CDYL2: variants seen among roughly 807,000 people sequenced by gnomAD.
The protein encoded by CDYL2 is chromodomain Y-like protein 2.
In CDYL2, 23 loss-of-function variants were observed where a neutral mutation model predicts 49.4. The observed-to-expected ratio is 0.47, with a 90% CI of 0.34 to 0.66. The LOEUF is 0.66. Ranked by LOEUF, CDYL2 falls within the 30% of genes least tolerant of loss-of-function variation. The pLI, the probability that CDYL2 is intolerant of heterozygous loss-of-function variation, is 0.01. For synonymous variants in CDYL2, 360 were observed against 268.8 expected (o/e 1.34, Z -3.32); for missense variants, 678 against 656.4 (o/e 1.03, Z -0.36).
intron 2 of CDYL2, among the ~76,000 whole-genome samples, chr16:80,653,944 G>A (rs929557072): frequency 6.6e-6 from 1 of 152,158 alleles, no homozygotes; most frequent in African/African-American, 2.4e-5. Flanking sequence ...AACCCCAGGA[G>A]TCACTGTGGT....
chr16:80,706,059 T>A (rs559540452), intron 1 of CDYL2, among the ~76,000 whole-genome samples: 1 of 152,216 alleles, frequency 6.6e-6, no homozygotes, highest in African/African-American at 2.4e-5. Flanking sequence ...GAACTTAGCA[T>A]CCAGTGTAGA....
rs147437624 is a variant in CDYL2 at position 80,787,383 on chromosome 16, A to G, written c.24+16767T>C. On this transcript the variant is annotated intron_variant, in intron 1 of 6. Transcript: ENST00000570137. ...GCCAGTACTTCCATGCCAAAATGGAAGAGACTGCCCTTCAAAGCAAAGCAC... is the reference window on the plus strand; with the variant it reads ...GCCAGTACTTCCATGCCAAAATGGAGGAGACTGCCCTTCAAAGCAAAGCAC... 1.7e-3 allele frequency among the ~76,000 whole-genome samples: 262 copies of G among 152,332 alleles called. 1 individual carries two copies. Among genetic ancestry groups the G allele is most frequent in the African/African-American group, 6.1e-3 (253 of 41,580 alleles).
intron 1 of CDYL2, among the ~76,000 whole-genome samples, chr16:80,718,797 C>T (rs774615205): frequency 5.3e-5 from 8 of 152,162 alleles, no homozygotes; most frequent in Admixed American, 4.6e-4. Flanking sequence ...GCAGCCACAC[C>T]GCTGTTGGAG....
rs1010580011 is a variant in CDYL2, at chr16:80,615,481, C to T, written c.1008-2645G>A. On this transcript the variant is annotated intron_variant, in intron 4 of 6. Transcript: ENST00000570137. ...CAGAATTCCCTCCATAACATTCCAA[C>T]GATGCATCATTCCGCCTCTGCTGGA... is the stretch of plus-strand genomic sequence containing the variant. Among the ~76,000 whole-genome samples the T allele has an allele frequency of 3.3e-5, 5 of 152,076 alleles. 1 individual carries two copies. The highest frequency in any genetic ancestry group is 6.3e-3 in the Middle Eastern group (2 of 316).
intron 5 of CDYL2, 73 bp from the exon 6 acceptor site, chr16:80,608,308 G>C: frequency 7.0e-7 from 1 of 1,434,038 alleles, no homozygotes; most frequent in Non-Finnish European, 9.2e-7. Flanking sequence ...TCCAGGGCTT[G>C]CCACCTGCAA....
At chr16:80,628,938 C>G (rs928778358) in intron 3 of CDYL2, among the ~76,000 whole-genome samples, 1 of 151,968 alleles carries the variant, frequency 6.6e-6, no homozygotes, top group Non-Finnish European at 1.5e-5. Flanking sequence ...TGAACTGAGA[C>G]CTGAAGGAAG....
intron 4 of CDYL2, among the ~76,000 whole-genome samples, chr16:80,619,049 T>G (rs1367296996): frequency 6.6e-6 from 1 of 152,196 alleles, no homozygotes; most frequent in Non-Finnish European, 1.5e-5. Flanking sequence ...GGAGAAGCTG[T>G]GTCAGGCCTC....
intron 3 of CDYL2, among the ~76,000 whole-genome samples, chr16:80,626,322 A>C (rs1476700372): frequency 6.7e-6 from 1 of 150,230 alleles, no homozygotes; most frequent in Non-Finnish European, 1.5e-5. Context: ...ATGTGTTGTT[A>C]ATAAAAAAAA....
chr16:80,608,002 C>A (rs1317176889), intron 6 of CDYL2, 90 bp downstream of exon 6: 6 of 1,409,100 alleles, frequency 4.3e-6, no homozygotes, highest in Middle Eastern at 3.8e-4. Flanking sequence ...CGACCTCTAG[C>A]AAGTCAGTGA....
chr16:80,720,065 G>A (rs970960286), intron 1 of CDYL2, among the ~76,000 whole-genome samples: 8 of 152,184 alleles, frequency 5.3e-5, no homozygotes, highest in East Asian at 3.9e-4. Context: ...TTTAGTGGTC[G>A]AGCAAATAAT....
chr16:80,699,619 G>A (rs1343506120), intron 1 of CDYL2, among the ~76,000 whole-genome samples: 7 of 152,184 alleles, frequency 4.6e-5, no homozygotes, highest in Admixed American at 4.6e-4. Context: ...GGTGAATATA[G>A]TTAACAAAAT....
Position 80,651,182 on chromosome 16 carries a change from T to A in CDYL2, c.617-17946A>T, listed in dbSNP as rs979002327. 3.3e-5 allele frequency among the ~76,000 whole-genome samples: 5 copies of A among 152,340 alleles called. No individual in the cohort carries two copies. The East Asian group carries it at 5.8e-4, about 18-fold the overall frequency. On this transcript the variant is annotated intron_variant, in intron 2 of 6. Transcript: ENST00000570137. ...CCCATTTTCTATGATGTGATTATTA[T>A]GCATTGCATCCCTGTATCAAAACAT...
At chr16:80,668,223 G>A (rs930665059) in intron 2 of CDYL2, among the ~76,000 whole-genome samples, 52 of 152,306 alleles carry the variant, frequency 3.4e-4, no homozygotes, top group Middle Eastern at 3.4e-3. Context: ...TTCCAAGACA[G>A]GCTTTAAGTC....
At chr16:80,670,610 C>G (rs1158260775) in intron 2 of CDYL2, among the ~76,000 whole-genome samples, 1 of 152,222 alleles carries the variant, frequency 6.6e-6, no homozygotes, top group Admixed American at 6.5e-5. Context: ...GTCCACCCAT[C>G]TGGCTTCTCA....
At chr16:80,629,721 C>T (rs143188053) in intron 3 of CDYL2, among the ~76,000 whole-genome samples, 40 of 152,326 alleles carry the variant, frequency 2.6e-4, no homozygotes, top group African/African-American at 9.4e-4. Context: ...AATTTCTGCC[C>T]ATGAGGCCAA....
At chr16:80,752,778 G>A (rs1906180185) in intron 1 of CDYL2, among the ~76,000 whole-genome samples, 1 of 152,214 alleles carries the variant, frequency 6.6e-6, no homozygotes, top group East Asian at 1.9e-4. Flanking sequence ...TACTCCCGCT[G>A]TGGCTGATGT....
At chr16:80,744,017 G>C (rs1905840502) in intron 1 of CDYL2, among the ~76,000 whole-genome samples, 1 of 151,644 alleles carries the variant, frequency 6.6e-6, no homozygotes, top group Non-Finnish European at 1.5e-5. Flanking sequence ...ATAGACACCT[G>C]ATACTCATTC....
intron 1 of CDYL2, among the ~76,000 whole-genome samples, chr16:80,696,340 A>G (rs1910612036): frequency 6.6e-6 from 1 of 152,080 alleles, no homozygotes; most frequent in Admixed American, 6.6e-5. Context: ...GGAACTAGAA[A>G]AGCAAGAAAA....
chr16:80,710,076 T>G (rs1203484379), intron 1 of CDYL2, among the ~76,000 whole-genome samples: 1 of 152,086 alleles, frequency 6.6e-6, no homozygotes, highest in Admixed American at 6.6e-5. Context: ...TACAGGCACG[T>G]GCCACCACGC....
Sources: gnomAD v4.1 joint callset for allele counts (sites outside exome capture counted in the v4.1 genomes callset) on GRCh38, gnomAD v4.1.1 for gene constraint, MANE v1.5 for transcripts, NCBI Gene and HGNC (gene_info 2026-07-23, HGNC 2026-07-21) for gene names.